Variants in MSH4 observed in about 807,000 individuals in gnomAD.
The protein encoded by MSH4 is mutS homolog 4, also known as mutS protein homolog 4.
In MSH4, 106 loss-of-function variants were observed where a neutral mutation model predicts 113.7. That is an observed-to-expected ratio of 0.93 (90% CI 0.80 to 1.10). MSH4 has a LOEUF of 1.10. Among genes scored for constraint, MSH4 ranks in the 50% least tolerant of loss-of-function variants. The pLI is 0.00. For synonymous variants in MSH4, 368 were observed against 380.2 expected (o/e 0.97, Z 0.37); for missense variants, 1,061 against 1,093.7 (o/e 0.97, Z 0.42).
At chr1:75,845,578 G>C (rs1047001862) in intron 7 of MSH4, among the ~76,000 whole-genome samples, 5 of 152,178 alleles carry the variant, frequency 3.3e-5, no homozygotes, top group African/African-American at 9.6e-5. Flanking sequence ...CAGTGGGGAA[G>C]AAGTAGGGCT....
intron 7 of MSH4, among the ~76,000 whole-genome samples, chr1:75,828,568 A>C (rs768608145): frequency 7.9e-5 from 12 of 152,170 alleles, no homozygotes; most frequent in Non-Finnish European, 1.6e-4. Flanking sequence ...AGAAAACCAA[A>C]TACTGCATGT....
chr1:75,905,657 C>T (rs1329890413), intron 19 of MSH4, among the ~76,000 whole-genome samples: 1 of 152,052 alleles, frequency 6.6e-6, no homozygotes, highest in Non-Finnish European at 1.5e-5. Context: ...TTGAAGACCC[C>T]TACTAGTATT....
chr1:75,904,753 ATTATTACT>A (rs891359687), intron 19 of MSH4, among the ~76,000 whole-genome samples: 1 of 150,268 alleles, frequency 6.7e-6, no homozygotes, highest in African/African-American at 2.5e-5. Context: ...GAGATTTTTT[ATTATTACT>A]TCAATCTCAT....
intron 19 of MSH4, among the ~76,000 whole-genome samples, chr1:75,900,804 A>G (rs2100590459): frequency 6.6e-6 from 1 of 152,216 alleles, no homozygotes; most frequent in South Asian, 2.1e-4. Flanking sequence ...TCTTAGTCAG[A>G]AATTTTAACT....
chr1:75,874,206 G>T (rs1472243568), intron 9 of MSH4, among the ~76,000 whole-genome samples: 1 of 151,932 alleles, frequency 6.6e-6, no homozygotes, highest in Non-Finnish European at 1.5e-5. Flanking sequence ...TATGTTTGTT[G>T]TCCACATGTA....
chr1:75,826,055 G>T (rs1363797683), intron 7 of MSH4, among the ~76,000 whole-genome samples: 1 of 152,116 alleles, frequency 6.6e-6, no homozygotes, highest in Non-Finnish European at 1.5e-5. Flanking sequence ...GCTCCTCCTT[G>T]TACCTCTGGT....
chr1:75,900,906 A>G (rs943436117), intron 19 of MSH4, among the ~76,000 whole-genome samples: 3 of 152,168 alleles, frequency 2.0e-5, no homozygotes, highest in African/African-American at 4.8e-5. Flanking sequence ...CTAGCCTTCT[A>G]GTAGGCTTTG....
intron 15 of MSH4, among the ~76,000 whole-genome samples, chr1:75,886,415 G>A (rs185286406): frequency 0.023 from 316 of 14,030 alleles, 111 homozygotes; most frequent in African/African-American, 0.05. Flanking sequence ...TATTATATAT[G>A]GTATATATGA....
chr1:75,890,638 C>T (rs1652231120), intron 16 of MSH4, 58 bp from the exon 17 acceptor site: 5 of 893,796 alleles, frequency 5.6e-6, no homozygotes, highest in Admixed American at 3.4e-5. Context: ...TCATTTTTTC[C>T]TGTGATATTG....
intron 19 of MSH4, among the ~76,000 whole-genome samples, chr1:75,912,151 A>G (rs981562223): frequency 1.3e-5 from 2 of 152,068 alleles, no homozygotes; most frequent in African/African-American, 4.8e-5. Context: ...ATTTTCTCTT[A>G]GGCTCCAGCA....
intron 15 of MSH4, among the ~76,000 whole-genome samples, chr1:75,885,059 G>GTGTGTGTGTATATATATATATATATA (rs1300289205): frequency 8.9e-6 from 1 of 112,560 alleles, no homozygotes; most frequent in African/African-American, 4.1e-5. Context: ...GTGTGTGTGT[G>GTGTGTGTGTATATATATATATATATA]TATATATATA....
chr1:75,830,122 A>G (rs2100528875), intron 7 of MSH4, among the ~76,000 whole-genome samples: 1 of 152,280 alleles, frequency 6.6e-6, no homozygotes, highest in East Asian at 1.9e-4. Context: ...AAACCGTGGC[A>G]CGAGAACTTC....
rs1248277911 is a variant in MSH4 at position 75,897,781 on chromosome 1, T to TCCAAA, written c.2356-126_2356-125insCCAAA. 11 of 495,142 alleles carry TCCAAA rather than the reference T, an allele frequency of 2.2e-5. No homozygotes were observed. In the South Asian group the frequency reaches 8.5e-4, roughly 38 times the overall value. The allele number at this position is 495,142 out of a possible 1,614,324, so 30.7% of individuals were successfully genotyped here. A position where few individuals can be genotyped will look rare whatever the true frequency, so the allele number is the denominator to read the frequency against. On this transcript the variant is annotated intron_variant, in intron 17 of 19. Transcript: ENST00000263187. ...TAATGTTAGCCTCCAAATTATTAGT[T>TCCAAA]TTATTCCTACATCTCTGCCAAGCTA...
intron 7 of MSH4, among the ~76,000 whole-genome samples, chr1:75,823,172 A>C (rs1021737938): frequency 2.6e-5 from 4 of 152,140 alleles, no homozygotes; most frequent in Non-Finnish European, 4.4e-5. Flanking sequence ...TTCTATTGTC[A>C]TATGGTTTTC....
At chr1:75,835,888 G>C (rs1167930329) in intron 7 of MSH4, among the ~76,000 whole-genome samples, 1 of 152,174 alleles carries the variant, frequency 6.6e-6, no homozygotes, top group African/African-American at 2.4e-5. Context: ...GGTCACTGGA[G>C]CAGATCTTGT....
intron 1 of MSH4, among the ~76,000 whole-genome samples, chr1:75,799,209 A>G (rs1458022978): frequency 6.6e-6 from 1 of 152,136 alleles, no homozygotes; most frequent in Non-Finnish European, 1.5e-5. Flanking sequence ...ATTTATATGC[A>G]CCTACTTTGT....
chr1:75,816,387 C>A lies in MSH4; in HGVS notation c.830C>A (p.Ala277Glu). 1 of 1,601,378 alleles carries A rather than the reference C, an allele frequency of 6.2e-7. No individual in the cohort carries two copies. Among genetic ancestry groups the A allele is most frequent in the South Asian group, 1.1e-5 (1 of 88,780 alleles). ...TCATCTTTTAGGTATTACTGCCTTG[C>A]AGCTGTTGCAGCTTTGTTAAAATAT... is the stretch of plus-strand genomic sequence containing the variant. ...MEVQSKYYCL[A>E]AVAALLKYVE... The change falls in exon 6 of 20, where the codon GCA becomes GAA. Residue 277 changes from alanine to glutamate, a missense_variant. Ala to Glu is a moderately radical substitution (Grantham distance 107, BLOSUM62 -1). Coordinates refer to ENST00000263187, the MANE Select transcript of MSH4 (RefSeq NM_002440.4).
At chr1:75,870,958 A>C (rs144796712) in intron 9 of MSH4, among the ~76,000 whole-genome samples, 48 of 152,344 alleles carry the variant, frequency 3.2e-4, no homozygotes, top group African/African-American at 1.1e-3. Flanking sequence ...CAAAGGTAGG[A>C]AAAATTTATA....
chr1:75,882,426 C>G (rs886896678), intron 14 of MSH4, among the ~76,000 whole-genome samples: 2 of 152,026 alleles, frequency 1.3e-5, no homozygotes, highest in African/African-American at 4.8e-5. Flanking sequence ...CCCTCTTCCT[C>G]CTCCCCCCAC....
Sources: gnomAD v4.1 joint callset for allele counts (sites outside exome capture counted in the v4.1 genomes callset) on GRCh38, gnomAD v4.1.1 for gene constraint, MANE v1.5 for transcripts, NCBI Gene and HGNC (gene_info 2026-07-23, HGNC 2026-07-21) for gene names.